The following ANKHD1 variants were observed in gnomAD, a reference collection of about 807,000 sequenced individuals.
ANKHD1 encodes ankyrin repeat and KH domain-containing protein 1.
In ANKHD1, 31 loss-of-function variants were observed where a neutral mutation model predicts 230.5. That is an observed-to-expected ratio of 0.13 (90% CI 0.10 to 0.18). The LOEUF is 0.18. Among genes scored for constraint, ANKHD1 ranks in the 10% least tolerant of loss-of-function variants. The probability of loss-of-function intolerance (pLI) is 1.00; values close to 1 mark genes in which losing one functional copy is unlikely to be tolerated. For missense variants in ANKHD1, 2,256 were observed against 3,071.3 expected (o/e 0.73, Z 6.27); for synonymous variants, 1,074 against 1,117.6 (o/e 0.96, Z 0.78).
intron 10 of ANKHD1, among the ~76,000 whole-genome samples, chr5:140,478,792 G>GCCCGC (rs1751103084): frequency 6.7e-6 from 1 of 150,224 alleles, no homozygotes; most frequent in Admixed American, 6.6e-5. Context: ...TTACAGGCAT[G>GCCCGC]CACCACCTTG....
chr5:140,410,974 C>G (rs1176361838), intron 1 of ANKHD1, among the ~76,000 whole-genome samples: 1 of 151,938 alleles, frequency 6.6e-6, no homozygotes, highest in Non-Finnish European at 1.5e-5. Flanking sequence ...GAATGTGATA[C>G]TGAATTTAGA....
chr5:140,412,229 G>T (rs954638597), intron 1 of ANKHD1, among the ~76,000 whole-genome samples: 6 of 151,878 alleles, frequency 4.0e-5, no homozygotes, highest in Non-Finnish European at 7.4e-5. Flanking sequence ...GTAGAGATGG[G>T]GTTTCACCAT....
At chr5:140,407,492 A>C (rs1404480505) in intron 1 of ANKHD1, among the ~76,000 whole-genome samples, 2 of 150,766 alleles carry the variant, frequency 1.3e-5, no homozygotes, top group Non-Finnish European at 2.9e-5. Flanking sequence ...GCAACCTCGA[A>C]TTCCTGGGCT....
Position 140,505,843 on chromosome 5 carries a change from T to C in ANKHD1, c.3382T>C (p.Leu1128=), listed in dbSNP as rs1290524325. 2.5e-6 allele frequency: 4 copies of C among 1,601,852 alleles called. No individual in the cohort carries two copies. Among genetic ancestry groups the C allele is most frequent in the African/African-American group, 2.7e-5 (2 of 73,922 alleles). The change falls in exon 18 of 34, where the codon TTG becomes CTG. Residue 1128 remains leucine (L), a synonymous_variant. Transcript: ENST00000360839. Reference sequence around the variant, plus strand: ...ACGAACTAAGGATACTCCGCTTTCATTGGCATGTTCTGGTGGACGTCAGGA... The same window carrying C: ...ACGAACTAAGGATACTCCGCTTTCACTGGCATGTTCTGGTGGACGTCAGGA... ...SERTKDTPLS[L]ACSGGRQEVV...
chr5:140,496,725 A>T lies in ANKHD1; in HGVS notation c.2451A>T (p.Ile817=), dbSNP rs777803612. 4.3e-6 allele frequency: 7 copies of T among 1,613,696 alleles called. No homozygotes were observed. The South Asian group carries it at 7.7e-5, about 18-fold the overall frequency. Residue 817 remains isoleucine (I), a synonymous_variant, in exon 15 of 34, where the codon ATA becomes ATT. Coordinates refer to ENST00000360839, the MANE Select transcript of ANKHD1 (RefSeq NM_017747.3). ...GTGAACCTCTGAACAAAGATAAGAT[A>T]GAAGAACTTAAAAAGAACAGAGAAG... ...IQGEPLNKDK[I]EELKKNREEQ...
At position 140,504,865 on chromosome 5, in the gene ANKHD1, A is replaced by G; in HGVS notation, c.3049A>G (p.Thr1017Ala). The change falls in exon 16 of 34, where the codon ACC becomes GCC. Residue 1017 changes from threonine to alanine, a missense_variant. Transcript: ENST00000360839. ...VPTGSNSSSQ[T>A]TECLTPESCS... is the part of the protein sequence containing the mutation. ...CACTGGTTCCAACAGTTCTTCTCAG[A>G]CCACAGAGTGTCTTACACCTGAATC... 1 of 1,614,138 alleles carries G rather than the reference A, an allele frequency of 6.2e-7. No individual in the cohort carries two copies. Among genetic ancestry groups the G allele is most frequent in the Non-Finnish European group, 8.5e-7 (1 of 1,180,020 alleles).
intron 10 of ANKHD1, among the ~76,000 whole-genome samples, chr5:140,469,323 G>A (rs1776324506): frequency 2.3e-5 from 3 of 131,870 alleles, no homozygotes; most frequent in African/African-American, 8.7e-5. Context: ...GCAACGTGGT[G>A]AAAACCTGTC....
chr5:140,486,778 G>A (rs763237042), intron 13 of ANKHD1, 180 bp from the exon 14 acceptor site: 1 of 482,488 alleles, frequency 2.1e-6, no homozygotes, highest in Non-Finnish European at 3.6e-6. Flanking sequence ...TTCCCCGACT[G>A]TCTAATCATT....
intron 15 of ANKHD1, 159 bp from the exon 16 acceptor site, chr5:140,504,662 G>T: frequency 1.0e-6 from 1 of 971,818 alleles, no homozygotes; most frequent in Non-Finnish European, 1.4e-6. Context: ...AGTCAGTGTT[G>T]GAACTAATAT....
chr5:140,478,011 G>A (rs903492908), intron 10 of ANKHD1, among the ~76,000 whole-genome samples: 9 of 152,186 alleles, frequency 5.9e-5, no homozygotes, highest in African/African-American at 1.9e-4. Context: ...TGGGTAGGGA[G>A]AATATACCTA....
At chr5:140,487,251 T>A (rs1751552566) in intron 14 of ANKHD1, among the ~76,000 whole-genome samples, 191 bp downstream of exon 14, 1 of 152,314 alleles carries the variant, frequency 6.6e-6, no homozygotes, top group African/African-American at 2.4e-5. Context: ...TTTATTATTT[T>A]CCTGTTAACA....
intron 7 of ANKHD1, among the ~76,000 whole-genome samples, chr5:140,454,985 G>GAA (rs143581589): frequency 0.67 from 100,992 of 151,634 alleles, 34,069 homozygotes; most frequent in East Asian, 0.84. Context: ...TAATAAAGAA[G>GAA]AAGAGAGAAG....
In ANKHD1 at chr5:140,468,052, C is replaced by CTTTTTTTTTTTTTT. The variant is rs869172143; in HGVS notation, c.1782+3303_1782+3316dup. Among the ~76,000 whole-genome samples, 9 of 52,380 alleles carry CTTTTTTTTTTTTTT rather than the reference C, an allele frequency of 1.7e-4. 1 individual carries two copies. Among genetic ancestry groups the CTTTTTTTTTTTTTT allele is most frequent in the African/African-American group, 5.3e-4 (6 of 11,248 alleles). 34.4% of individuals were successfully genotyped at this position (52,380 alleles called of 152,430 possible). On this transcript the variant is annotated intron_variant, in intron 10 of 33. Transcript: ENST00000360839. ...AGTTTAAGGTTTAAGTGTACTAATT[C>CTTTTTTTTTTTTTT]TTTTTTTTTTTTTTTTTTTTTTTTT...
chr5:140,477,616 TTTTC>T (rs1202889105), intron 10 of ANKHD1, among the ~76,000 whole-genome samples: 1 of 152,150 alleles, frequency 6.6e-6, no homozygotes, highest in Non-Finnish European at 1.5e-5. Context: ...GGAAAATACT[TTTTC>T]TTTTTGTTTT....
In ANKHD1 at chr5:140,527,255, T is replaced by A. The variant is rs1017020125; in HGVS notation, c.5087+181T>A. The A allele has an allele frequency of 9.7e-7, 1 of 1,032,366 alleles. No individual in the cohort carries two copies. The highest frequency in any genetic ancestry group is 1.7e-5 in the African/African-American group (1 of 59,676). The allele number at this position is 1,032,366 out of a possible 1,614,324, so 64.0% of individuals were successfully genotyped here. ...GCAGTATGTAAATTTTGCATGCATA[T>A]TTTATATGACACAAGAAATTTTGGC... On this transcript the variant is annotated intron_variant, in intron 27 of 33. Coordinates refer to ENST00000360839, the MANE Select transcript of ANKHD1 (RefSeq NM_017747.3). This position sits in a 1 kb window ranked among gnomAD's most constrained non-coding sequence, Gnocchi z 4.5.
intron 10 of ANKHD1, among the ~76,000 whole-genome samples, chr5:140,471,003 G>A (rs919797269): frequency 2.6e-5 from 4 of 151,918 alleles, no homozygotes; most frequent in African/African-American, 4.8e-5. Flanking sequence ...GACCAGAAGT[G>A]TTTTGGATAT....
rs1318873240 is a variant in ANKHD1 at position 140,507,328 on chromosome 5, A to G, written c.3551+351A>G. ...TTTTTTAAGTTATTTATTTTTTGAG[A>G]TGGAGTTTCGCTCTTGTTGCCCAGG... On this transcript the variant is annotated intron_variant, in intron 19 of 33. Transcript: ENST00000360839. This position sits in a 1 kb window ranked among gnomAD's most constrained non-coding sequence, Gnocchi z 4.1. Among the ~76,000 whole-genome samples the G allele has an allele frequency of 1.3e-5, 2 of 152,176 alleles. No individual in the cohort carries two copies. The highest frequency in any genetic ancestry group is 4.8e-5 in the African/African-American group (2 of 41,436).
At chr5:140,503,585 T>G (rs1752411676) in intron 15 of ANKHD1, among the ~76,000 whole-genome samples, 2 of 125,808 alleles carry the variant, frequency 1.6e-5, no homozygotes, top group Non-Finnish European at 3.3e-5. Flanking sequence ...TTTTTTTTTT[T>G]GAGATGGAGT....
intron 7 of ANKHD1, among the ~76,000 whole-genome samples, chr5:140,457,309 A>G (rs1775272899): frequency 6.6e-6 from 1 of 152,242 alleles, no homozygotes. Flanking sequence ...TTCCTCAAGG[A>G]TCTAGAACTA....
Sources: gnomAD v4.1 joint callset for allele counts (sites outside exome capture counted in the v4.1 genomes callset) on GRCh38, gnomAD v4.1.1 for gene constraint, Gnocchi (gnomAD v3.1) non-coding constraint, MANE v1.5 for transcripts, NCBI Gene and HGNC (gene_info 2026-07-23, HGNC 2026-07-21) for gene names.